Variants in HACE1 observed in about 807,000 individuals in gnomAD.
HACE1 encodes HECT domain and ankyrin repeat containing E3 ubiquitin protein ligase 1.
Under a neutral mutation model 118.4 loss-of-function variants are expected in HACE1, and 73 were observed. That is an observed-to-expected ratio of 0.62 (90% confidence interval 0.51 to 0.75). The LOEUF is 0.75. HACE1 is among the 30% of genes least tolerant of loss of function. HACE1 has a pLI of 0.00. For missense variants in HACE1, 749 were observed against 1,102.2 expected, an observed-to-expected ratio of 0.68 and a Z score of 4.54; for synonymous variants, 368 against 374.8, an observed-to-expected ratio of 0.98 and a Z score of 0.21.
intron 6 of HACE1, among the ~76,000 whole-genome samples, chr6:104,825,081 C>CAAAA (rs575106170): frequency 6.5e-5 from 6 of 92,736 alleles, no homozygotes; most frequent in East Asian, 2.9e-4. Flanking sequence ...GACTCCGTCT[C>CAAAA]AAAAAAAAAA....
intron 19 of HACE1, among the ~76,000 whole-genome samples, chr6:104,761,866 AC>A (rs1052514152): frequency 1.3e-5 from 2 of 152,092 alleles, no homozygotes; most frequent in Admixed American, 1.3e-4. Flanking sequence ...AAAACAAACA[AC>A]CCCATCAAAA....
chr6:104,737,805 C>T (rs527991913), intron 22 of HACE1, among the ~76,000 whole-genome samples: 25 of 152,316 alleles, frequency 1.6e-4, no homozygotes, highest in East Asian at 1.2e-3. Flanking sequence ...GCGGGGAAGC[C>T]CGAACTGGGT....
chr6:104,794,400 C>T (rs1783390173), intron 10 of HACE1, among the ~76,000 whole-genome samples: 1 of 152,146 alleles, frequency 6.6e-6, no homozygotes, highest in Non-Finnish European at 1.5e-5. Flanking sequence ...TTATAACCAT[C>T]ATCACCTCTA....
intron 22 of HACE1, among the ~76,000 whole-genome samples, chr6:104,736,459 A>T (rs990172754): frequency 2.0e-5 from 3 of 151,880 alleles, no homozygotes; most frequent in African/African-American, 7.3e-5. Context: ...TAATTTTTGT[A>T]TTTTTGTAGA....
At chr6:104,802,809 G>A (rs1425077327) in intron 7 of HACE1, among the ~76,000 whole-genome samples, 1 of 152,132 alleles carries the variant, frequency 6.6e-6, no homozygotes, top group Non-Finnish European at 1.5e-5. Flanking sequence ...AAGAACTAGA[G>A]AAGCAAGAGC....
intron 22 of HACE1, among the ~76,000 whole-genome samples, chr6:104,743,583 T>C (rs1174874185): frequency 6.6e-6 from 1 of 151,952 alleles, no homozygotes; most frequent in Non-Finnish European, 1.5e-5. Context: ...TTTTTACATC[T>C]TTCAGAAATA....
intron 4 of HACE1, among the ~76,000 whole-genome samples, chr6:104,848,597 A>C (rs1404650656): frequency 1.3e-5 from 2 of 152,206 alleles, no homozygotes; most frequent in Non-Finnish European, 2.9e-5. Flanking sequence ...TAGCACTAAA[A>C]GGAGTAAACT....
At chr6:104,817,400 ACTCT>A (rs1281542285) in intron 6 of HACE1, among the ~76,000 whole-genome samples, 1 of 151,694 alleles carries the variant, frequency 6.6e-6, no homozygotes, top group South Asian at 2.1e-4. Flanking sequence ...CCTTGCACAC[ACTCT>A]CTCTCTCCTG....
intron 4 of HACE1, among the ~76,000 whole-genome samples, chr6:104,843,826 G>A (rs1248621948): frequency 6.6e-6 from 1 of 151,120 alleles, no homozygotes; most frequent in Non-Finnish European, 1.5e-5. Flanking sequence ...TTTTTTTTAA[G>A]TTATTTGTAT....
Position 104,777,209 on chromosome 6 carries a change from T to C in HACE1, c.1675A>G (p.Arg559Gly), listed in dbSNP as rs1781310124. ...VNENDILLVH[R>G]DSIFRSSCEV... Reference sequence around the variant, plus strand: ...TCAGTTTCTTTGTTAAGCATACCTCTGTGAACCAGCAGGATATCATTTTCA... The same window carrying C: ...TCAGTTTCTTTGTTAAGCATACCTCCGTGAACCAGCAGGATATCATTTTCA... Residue 559 changes from arginine to glycine, a missense_variant, in exon 15 of 24, where the codon AGA becomes GGA. Arg to Gly is a moderately radical substitution (Grantham distance 125). This residue lies in a region of HACE1 where 195 missense variants were observed against 322.1 expected (regional missense o/e 0.61). Coordinates refer to ENST00000262903, the MANE Select transcript of HACE1 (RefSeq NM_020771.4). 6.2e-7 allele frequency: 1 copy of C among 1,606,966 alleles called. No homozygotes were observed. The highest frequency in any genetic ancestry group is 8.5e-7 in the Non-Finnish European group (1 of 1,173,568).
chr6:104,817,808 CCTT>C (rs1239359753), intron 6 of HACE1, among the ~76,000 whole-genome samples: 1 of 152,166 alleles, frequency 6.6e-6, no homozygotes, highest in African/African-American at 2.4e-5. Flanking sequence ...GTAAACAATA[CCTT>C]CTTAACTATA....
intron 20 of HACE1, among the ~76,000 whole-genome samples, chr6:104,747,382 G>A (rs1027605496): frequency 1.3e-5 from 2 of 152,070 alleles, no homozygotes; most frequent in African/African-American, 4.8e-5. Context: ...CTCCAGTTCA[G>A]TACACTGGAG....
Position 104,859,685 on chromosome 6 carries a change from C to T in HACE1, c.-43G>A, listed in dbSNP as rs1361969007. Reference sequence around the variant, plus strand: ...CGATCCTCCGCGATCAGCCGCCCCACCGGCGGCCTCCGCGCCCAGAGCCCT... The same window carrying T: ...CGATCCTCCGCGATCAGCCGCCCCATCGGCGGCCTCCGCGCCCAGAGCCCT... On this transcript the variant is annotated 5_prime_UTR_variant, in exon 1 of 24. In the 5' UTR this introduces an upstream ATG that the reference lacks. Transcript: ENST00000262903. 6.0e-6 allele frequency: 9 copies of T among 1,490,214 alleles called. No homozygotes were observed. The highest frequency in any genetic ancestry group is 8.1e-6 in the Non-Finnish European group (9 of 1,109,578). 92.3% of individuals were successfully genotyped at this position (1,490,214 alleles called of 1,614,324 possible). A position where few individuals can be genotyped will look rare whatever the true frequency, so the allele number is the denominator to read the frequency against.
chr6:104,738,078 G>C (rs1776140383), intron 22 of HACE1, among the ~76,000 whole-genome samples: 1 of 151,856 alleles, frequency 6.6e-6, no homozygotes, highest in African/African-American at 2.4e-5. Context: ...CACACGGCAG[G>C]GTATTCCAAC....
rs1416367468 is a variant in HACE1 at position 104,813,488 on chromosome 6, T to C, written c.535-2095A>G. 2.2e-5 allele frequency among the ~76,000 whole-genome samples: 3 copies of C among 138,544 alleles called. 1 individual carries two copies. Among genetic ancestry groups the C allele is most frequent in the Admixed American group, 1.4e-4 (2 of 13,988 alleles). The allele number at this position is 138,544 out of a possible 152,430, so 90.9% of individuals were successfully genotyped here. ...CCCCAACCAAGGTTAAATTTTCCCC[T>C]GGGAACATGAGGCAACTTTTTTATT... On this transcript the variant is annotated intron_variant, in intron 6 of 23. Coordinates refer to ENST00000262903, the MANE Select transcript of HACE1 (RefSeq NM_020771.4).
chr6:104,852,210 T>TGTGTGTGC (rs1554264889), intron 2 of HACE1, 107 bp downstream of exon 2: 1 of 671,614 alleles, frequency 1.5e-6, no homozygotes, highest in Non-Finnish European at 2.8e-6. Context: ...TGTGTGTGTG[T>TGTGTGTGC]GTGTGTGTGT....
chr6:104,764,998 A>G (rs1779820781), intron 19 of HACE1, among the ~76,000 whole-genome samples: 1 of 152,228 alleles, frequency 6.6e-6, no homozygotes, highest in Admixed American at 6.5e-5. Flanking sequence ...AAAACCTTCC[A>G]CAATTACAAT....
chr6:104,794,324 TAAG>T (rs1783381907), intron 10 of HACE1, among the ~76,000 whole-genome samples: 1 of 152,176 alleles, frequency 6.6e-6, no homozygotes, highest in Middle Eastern at 3.2e-3. Flanking sequence ...GACAAATATT[TAAG>T]AAGAAAAAAT....
At chr6:104,755,606 A>G (rs2114601283) in intron 19 of HACE1, among the ~76,000 whole-genome samples, 1 of 152,390 alleles carries the variant, frequency 6.6e-6, no homozygotes, top group Middle Eastern at 3.4e-3. Flanking sequence ...CAATCAAATT[A>G]GAACTCAAGA....
Sources: gnomAD v4.1 joint callset for allele counts (sites outside exome capture counted in the v4.1 genomes callset) on GRCh38, gnomAD v4.1.1 for gene constraint, gnomAD v4.1.1 regional missense constraint, MANE v1.5 for transcripts, NCBI Gene and HGNC (gene_info 2026-07-23, HGNC 2026-07-21) for gene names.